The following KCTD8 variants were observed in gnomAD, a reference collection of about 807,000 sequenced individuals.
KCTD8 encodes potassium channel tetramerization domain containing 8.
In KCTD8, 27 loss-of-function variants were observed where a neutral mutation model predicts 31.5. The observed-to-expected ratio is 0.86, with a 90% confidence interval of 0.63 to 1.18. The LOEUF (loss-of-function observed/expected upper bound fraction) is 1.18, where lower values mean the gene tolerates loss of function less well. Among genes scored for constraint, KCTD8 ranks in the 50% most tolerant of loss-of-function variants. The probability of loss-of-function intolerance (pLI) is 0.00; values close to 1 mark genes in which losing one functional copy is unlikely to be tolerated. For synonymous variants in KCTD8, 290 were observed against 280.0 expected (o/e 1.04, Z -0.36); for missense variants, 658 against 647.7 (o/e 1.02, Z -0.17).
chr4:44,294,357 C>T (rs1057092410), intron 1 of KCTD8, among the ~76,000 whole-genome samples: 5 of 152,146 alleles, frequency 3.3e-5, no homozygotes, highest in African/African-American at 1.2e-4. Flanking sequence ...AAGATAGGTA[C>T]ATAAAAACAC....
intron 1 of KCTD8, among the ~76,000 whole-genome samples, chr4:44,376,401 C>T (rs561640025): frequency 1.3e-5 from 2 of 152,188 alleles, no homozygotes; most frequent in African/African-American, 4.8e-5. Context: ...GCCACCACCC[C>T]TACTTCAGCC....
At chr4:44,378,837 G>C (rs1719987259) in intron 1 of KCTD8, among the ~76,000 whole-genome samples, 1 of 152,034 alleles carries the variant, frequency 6.6e-6, no homozygotes, top group Non-Finnish European at 1.5e-5. Context: ...GTATAGTTCT[G>C]GAGGTCAGAA....
At chr4:44,224,880 A>G (rs1288572793) in intron 1 of KCTD8, among the ~76,000 whole-genome samples, 2 of 115,294 alleles carry the variant, frequency 1.7e-5, no homozygotes. Context: ...GCCAATGGGG[A>G]AGAGGTACTG....
intron 1 of KCTD8, among the ~76,000 whole-genome samples, chr4:44,398,706 G>C (rs1224007628): frequency 6.6e-6 from 1 of 152,142 alleles, no homozygotes; most frequent in African/African-American, 2.4e-5. Context: ...AAAGAGCAAG[G>C]CTGCTGTGTG....
chr4:44,211,019 G>A (rs989140817), intron 1 of KCTD8, among the ~76,000 whole-genome samples: 2 of 152,078 alleles, frequency 1.3e-5, no homozygotes, highest in African/African-American at 4.8e-5. Flanking sequence ...TGTAACCAGT[G>A]TTATATTTGA....
intron 1 of KCTD8, among the ~76,000 whole-genome samples, chr4:44,290,056 G>A (rs1159570168): frequency 6.6e-6 from 1 of 152,056 alleles, no homozygotes; most frequent in Non-Finnish European, 1.5e-5. Context: ...ATTGTCTTCT[G>A]TCTTCAAAAG....
chr4:44,435,529 T>C (rs897464122), intron 1 of KCTD8, among the ~76,000 whole-genome samples: 2 of 152,018 alleles, frequency 1.3e-5, no homozygotes, highest in African/African-American at 2.4e-5. Context: ...CTTTTCCGAA[T>C]TGATAACTTG....
intron 1 of KCTD8, among the ~76,000 whole-genome samples, chr4:44,281,259 T>A (rs2109378848): frequency 6.6e-6 from 1 of 152,246 alleles, no homozygotes; most frequent in Admixed American, 6.6e-5. Context: ...ACATTCACAT[T>A]CCTGGTTGTT....
chr4:44,400,825 A>G (rs1720631325), intron 1 of KCTD8, among the ~76,000 whole-genome samples: 1 of 151,716 alleles, frequency 6.6e-6, no homozygotes, highest in Non-Finnish European at 1.5e-5. Flanking sequence ...AGTTCAATGA[A>G]TGAATTTCAT....
intron 1 of KCTD8, among the ~76,000 whole-genome samples, chr4:44,404,761 C>T (rs1200209687): frequency 6.6e-6 from 1 of 152,126 alleles, no homozygotes; most frequent in Non-Finnish European, 1.5e-5. Flanking sequence ...CTTATTCATT[C>T]AGATTACATC....
intron 1 of KCTD8, among the ~76,000 whole-genome samples, chr4:44,206,671 C>T (rs1175409326): frequency 1.3e-5 from 2 of 152,128 alleles, no homozygotes; most frequent in Middle Eastern, 3.2e-3. Context: ...CTGCATACCC[C>T]AATGAGATTG....
chr4:44,403,293 C>A (rs1418088258), intron 1 of KCTD8, among the ~76,000 whole-genome samples: 2 of 151,886 alleles, frequency 1.3e-5, no homozygotes, highest in Non-Finnish European at 2.9e-5. Context: ...TTTTATGCAT[C>A]TCAATAATAA....
At chr4:44,245,283 T>C (rs866287126) in intron 1 of KCTD8, among the ~76,000 whole-genome samples, 13 of 151,952 alleles carry the variant, frequency 8.6e-5, no homozygotes, top group South Asian at 2.1e-4. Flanking sequence ...TTTTAAAATA[T>C]ATAAAATATT....
At chr4:44,280,204 T>C (rs776994719) in intron 1 of KCTD8, among the ~76,000 whole-genome samples, 15 of 152,020 alleles carry the variant, frequency 9.9e-5, no homozygotes, top group Non-Finnish European at 1.8e-4. Context: ...AGCACACCTG[T>C]ATTAGGCCTG....
At chr4:44,285,534 T>C (rs1320713006) in intron 1 of KCTD8, among the ~76,000 whole-genome samples, 1 of 152,074 alleles carries the variant, frequency 6.6e-6, no homozygotes, top group African/African-American at 2.4e-5. Context: ...GATGGGATGA[T>C]GGGTGCAGCA....
At chr4:44,294,725 G>A (rs1309113772) in intron 1 of KCTD8, among the ~76,000 whole-genome samples, 2 of 152,172 alleles carry the variant, frequency 1.3e-5, no homozygotes, top group Admixed American at 6.5e-5. Flanking sequence ...TTGTGGACAG[G>A]TTTTCAAAGT....
At chr4:44,311,873 C>T (rs1367002405) in intron 1 of KCTD8, among the ~76,000 whole-genome samples, 2 of 150,338 alleles carry the variant, frequency 1.3e-5, no homozygotes, top group African/African-American at 4.9e-5. Flanking sequence ...CTAGATGACA[C>T]TTAAATGGAC....
At position 44,286,867 on chromosome 4, in the gene KCTD8, G is replaced by C. The variant is rs1173510192; in HGVS notation, c.962-111617C>G. Among the ~76,000 whole-genome samples, 8 of 152,258 alleles carry C rather than the reference G, an allele frequency of 5.3e-5. No homozygotes were observed. The East Asian group carries it at 1.5e-3, about 29-fold the overall frequency. On this transcript the variant is annotated intron_variant, in intron 1 of 1. Coordinates refer to ENST00000360029, the MANE Select transcript of KCTD8 (RefSeq NM_198353.3). Reference sequence around the variant, plus strand: ...AGATGATGGTGAGAGTGGATATGGAGAGCAGATTCAGGATAGAAGTAGGTA... The same window carrying C: ...AGATGATGGTGAGAGTGGATATGGACAGCAGATTCAGGATAGAAGTAGGTA...
At chr4:44,337,678 A>T (rs868847249) in intron 1 of KCTD8, among the ~76,000 whole-genome samples, 30 of 122,436 alleles carry the variant, frequency 2.5e-4, no homozygotes, top group African/African-American at 7.6e-4. Context: ...GATCTCAAAA[A>T]ATATATATAT....
Sources: gnomAD v4.1 joint callset for allele counts (sites outside exome capture counted in the v4.1 genomes callset) on GRCh38, gnomAD v4.1.1 for gene constraint, MANE v1.5 for transcripts, NCBI Gene and HGNC (gene_info 2026-07-23, HGNC 2026-07-21) for gene names.